The following DCUN1D2 variants were observed in gnomAD, a reference collection of about 807,000 sequenced individuals.
DCUN1D2 encodes DCN1-like protein 2.
Under a neutral mutation model 30.9 loss-of-function variants are expected in DCUN1D2, and 29 were observed. That is an observed-to-expected ratio of 0.94 (90% CI 0.70 to 1.28). The LOEUF is 1.28. Ranked by LOEUF, DCUN1D2 falls within the 50% of genes most tolerant of loss-of-function variation. DCUN1D2 has a pLI of 0.00. For missense variants in DCUN1D2, 325 were observed against 316.9 expected (o/e 1.03, Z -0.19); for synonymous variants, 121 against 115.3 (o/e 1.05, Z -0.32).
At chr13:113,469,172 A>ACG (rs1296756471) in intron 4 of DCUN1D2, among the ~76,000 whole-genome samples, 2 of 151,872 alleles carry the variant, frequency 1.3e-5, no homozygotes, top group East Asian at 3.9e-4. Flanking sequence ...ACACACACAC[A>ACG]CAGCCAAGAG....
intron 3 of DCUN1D2, among the ~76,000 whole-genome samples, chr13:113,479,503 C>T (rs767817918): frequency 1.3e-5 from 2 of 152,120 alleles, no homozygotes; most frequent in East Asian, 1.9e-4. Context: ...CCTGTAATCC[C>T]AGCACTTTGG....
At chr13:113,472,975 C>A in intron 4 of DCUN1D2, among the ~76,000 whole-genome samples, 1 of 150,794 alleles carries the variant, frequency 6.6e-6, no homozygotes, top group Non-Finnish European at 1.5e-5. Flanking sequence ...GTACCTCTGT[C>A]CTTCTGTCCC....
rs542941675 is a variant in DCUN1D2 at position 113,457,830 on chromosome 13, C to G, written c.*199G>C. 2 of 584,182 alleles carry G rather than the reference C, an allele frequency of 3.4e-6. No homozygotes were observed. The highest frequency in any genetic ancestry group is 5.4e-5 in the Admixed American group (2 of 36,946). The allele number at this position is 584,182 out of a possible 1,614,324, so 36.2% of individuals were successfully genotyped here. ...TGACAAATCTCCAAACATCCCAAAG[C>G]AGCCGTGTCCCGAGGAACTTCCTGC... On this transcript the variant is annotated 3_prime_UTR_variant, in exon 7 of 7. Coordinates refer to ENST00000478244, the MANE Select transcript of DCUN1D2 (RefSeq NM_001014283.2).
chr13:113,473,827 C>A (rs2044565437), intron 4 of DCUN1D2, among the ~76,000 whole-genome samples: 1 of 152,180 alleles, frequency 6.6e-6, no homozygotes, highest in Non-Finnish European at 1.5e-5. Flanking sequence ...AAGACCTTGT[C>A]TTTACTAAAA....
chr13:113,477,777 T>C (rs1359086479), intron 3 of DCUN1D2, among the ~76,000 whole-genome samples: 4 of 152,136 alleles, frequency 2.6e-5, no homozygotes, highest in African/African-American at 9.7e-5. Context: ...TGATCCTTTT[T>C]TTCCTGTTGT....
At chr13:113,484,252 A>G (rs1253558223) in intron 1 of DCUN1D2, 196 bp from the exon 2 acceptor site, 12 of 1,217,882 alleles carry the variant, frequency 9.9e-6, no homozygotes, top group Non-Finnish European at 1.3e-5. Flanking sequence ...CTAAGCTTCA[A>G]AAATTATGAG....
rs112063279 is a variant in DCUN1D2 at position 113,466,801 on chromosome 13, A to ATT, written c.521-5667_521-5666dup. ...CCCCATTGCTGTCACTGTCCTTTGG[A>ATT]TTTTTTTTTTTTTTTTTTTTTTTTT... On this transcript the variant is annotated intron_variant, in intron 4 of 6. Coordinates refer to ENST00000478244, the MANE Select transcript of DCUN1D2 (RefSeq NM_001014283.2). Among the ~76,000 whole-genome samples, 403 of 109,748 alleles carry ATT rather than the reference A, an allele frequency of 3.7e-3. 1 individual carries two copies. The highest frequency in any genetic ancestry group is 5.5e-3 in the Non-Finnish European group (297 of 54,098). The allele number at this position is 109,748 out of a possible 152,430, so 72.0% of individuals were successfully genotyped here.
chr13:113,469,828 G>C (rs1207640912), intron 4 of DCUN1D2, among the ~76,000 whole-genome samples: 1 of 152,140 alleles, frequency 6.6e-6, no homozygotes, highest in Non-Finnish European at 1.5e-5. Flanking sequence ...AAGAGAGCAA[G>C]ACCCTGTCTC....
chr13:113,458,062 T>A lies in DCUN1D2; in HGVS notation c.747A>T (p.Pro249=), dbSNP rs763408160. Residue 249 remains proline (P), a synonymous_variant, in exon 7 of 7, where the codon CCA becomes CCT. Coordinates refer to ENST00000478244, the MANE Select transcript of DCUN1D2 (RefSeq NM_001014283.2). The stretch of plus-strand genomic sequence containing the variant: ...GGCTGCGTTTTCCACCTGTGACTAC[T>A]GGCCGTGCATATTCTACAAAATCAT... ...LIDDFVEYAR[P]VVTGGKRSLF 2 of 1,614,224 alleles carry A rather than the reference T, an allele frequency of 1.2e-6. No individual in the cohort carries two copies. Among genetic ancestry groups the A allele is most frequent in the Admixed American group, 1.7e-5 (1 of 60,038 alleles).
intron 4 of DCUN1D2, among the ~76,000 whole-genome samples, chr13:113,463,492 G>C (rs1320247830): frequency 6.6e-6 from 1 of 150,716 alleles, no homozygotes; most frequent in Non-Finnish European, 1.5e-5. Flanking sequence ...AAGAGTTTGA[G>C]ACCAGCCTGG....
chr13:113,491,202 C>T (rs1036763748), upstream of DCUN1D2: 1 of 152,342 alleles, frequency 6.6e-6, no homozygotes, highest in Non-Finnish European at 1.5e-5. Flanking sequence ...GTCCTGGCGC[C>T]TCAGAGCCCG....
rs931685659 is a variant in DCUN1D2, at chr13:113,456,597, G to C, written c.*1432C>G. On this transcript the variant is annotated 3_prime_UTR_variant, in exon 7 of 7. Coordinates refer to ENST00000478244, the MANE Select transcript of DCUN1D2 (RefSeq NM_001014283.2). ...GTGACATGAGAGTCTCGGCACGTGA[G>C]GTAGGGTCAACAGTGATGTCCACAA... 6 of 382,522 alleles carry C rather than the reference G, an allele frequency of 1.6e-5. No homozygotes were observed. Among genetic ancestry groups the C allele is most frequent in the Non-Finnish European group, 2.3e-5 (5 of 216,402 alleles). The allele number at this position is 382,522 out of a possible 1,614,324, so 23.7% of individuals were successfully genotyped here.
intron 4 of DCUN1D2, among the ~76,000 whole-genome samples, chr13:113,466,772 G>T (rs1327801734): frequency 6.7e-6 from 1 of 149,674 alleles, no homozygotes; most frequent in African/African-American, 2.5e-5. Flanking sequence ...TATTGTTAAA[G>T]AATCCCCATT....
At chr13:113,475,957 G>A (rs1310025729) in intron 3 of DCUN1D2, 1 of 152,304 alleles carries the variant, frequency 6.6e-6, no homozygotes, top group African/African-American at 2.4e-5. Context: ...CGTGCCTCTA[G>A]CTGGATGTAA....
rs557858490 is a variant in DCUN1D2, at chr13:113,456,579, G to A, written c.*1450C>T. On this transcript the variant is annotated 3_prime_UTR_variant, in exon 7 of 7. Coordinates refer to ENST00000478244, the MANE Select transcript of DCUN1D2 (RefSeq NM_001014283.2). ...GGGCAGCAAGGCACGCCTGTGACAT[G>A]AGAGTCTCGGCACGTGAGGTAGGGT... 7 of 391,874 alleles carry A rather than the reference G, an allele frequency of 1.8e-5. No homozygotes were observed. Among genetic ancestry groups the A allele is most frequent in the Non-Finnish European group, 3.2e-5 (7 of 222,186 alleles). 24.3% of individuals were successfully genotyped at this position (391,874 alleles called of 1,614,324 possible).
chr13:113,477,088 C>T (rs186528910), intron 3 of DCUN1D2, among the ~76,000 whole-genome samples: 1 of 152,324 alleles, frequency 6.6e-6, no homozygotes, highest in East Asian at 1.9e-4. Flanking sequence ...AGCAAATCTT[C>T]CCATCTTGTT....
intron 1 of DCUN1D2, among the ~76,000 whole-genome samples, chr13:113,484,357 T>C (rs946295789): frequency 4.6e-5 from 7 of 152,238 alleles, no homozygotes; most frequent in Non-Finnish European, 2.9e-5. Flanking sequence ...TCAGTAACTC[T>C]GTAATGCACA....
At chr13:113,464,129 G>C (rs1385839717) in intron 4 of DCUN1D2, among the ~76,000 whole-genome samples, 1 of 152,158 alleles carries the variant, frequency 6.6e-6, no homozygotes, top group Non-Finnish European at 1.5e-5. Context: ...CTTTTCCCGA[G>C]GAGGCTATTG....
chr13:113,480,651 T>C lies in DCUN1D2; in HGVS notation c.313A>G (p.Ile105Val), dbSNP rs747662179. 3 of 1,614,202 alleles carry C rather than the reference T, an allele frequency of 1.9e-6. No individual in the cohort carries two copies. Among genetic ancestry groups the C allele is most frequent in the East Asian group, 2.2e-5 (1 of 44,876 alleles). Reference sequence around the variant, plus strand: ...GTTGCTGCCCTGAACTTCCACGCTATGACCAATACACTGATACTGGCAGGA... The same window carrying C: ...GTTGCTGCCCTGAACTTCCACGCTACGACCAATACACTGATACTGGCAGGA... Reference protein sequence around the residue: ...LDPASISVLVIAWKFRAATQC... With the variant: ...LDPASISVLVVAWKFRAATQC... The change falls in exon 3 of 7, where the codon ATA (isoleucine) becomes GTA (valine). Residue 105 changes from isoleucine to valine, a missense_variant. Transcript: ENST00000478244.
Sources: allele counts gnomAD v4.1 joint callset (sites outside exome capture counted in the v4.1 genomes callset), GRCh38; gene constraint gnomAD v4.1.1; transcripts MANE v1.5; gene names NCBI Gene and HGNC (gene_info 2026-07-23, HGNC 2026-07-21).